CALN1: variants seen among roughly 807,000 people sequenced by gnomAD.
The protein encoded by CALN1 is calneuron 1.
A neutral mutation model predicts 30.6 loss-of-function variants in CALN1; 17 were observed. That is an observed-to-expected ratio of 0.56 (90% confidence interval 0.38 to 0.83). CALN1 has a LOEUF of 0.83. CALN1 is among the 40% of genes least tolerant of loss of function. The pLI is 0.00. For missense variants in CALN1, 291 were observed against 354.9 expected, an observed-to-expected ratio of 0.82 and a Z score of 1.45; for synonymous variants, 156 against 131.4, an observed-to-expected ratio of 1.19 and a Z score of -1.28.
intron 4 of CALN1, among the ~76,000 whole-genome samples, chr7:72,087,800 T>C (rs844725): frequency 0.021 from 3,270 of 152,198 alleles, 108 homozygotes; most frequent in African/African-American, 0.074. Flanking sequence ...GATTGAAATA[T>C]GTGGAGCAAA....
intron 5 of CALN1, among the ~76,000 whole-genome samples, chr7:71,914,248 T>G (rs1043727709): frequency 6.6e-6 from 1 of 152,182 alleles, no homozygotes; most frequent in African/African-American, 2.4e-5. Flanking sequence ...TGTTCTCCAC[T>G]GTGTGTCCAC....
intron 1 of CALN1, among the ~76,000 whole-genome samples, chr7:72,446,044 C>T (rs207468081): frequency 6.6e-6 from 1 of 152,110 alleles, no homozygotes; most frequent in Non-Finnish European, 1.5e-5. Context: ...AACCCTGCCT[C>T]TAAGCCACAA....
intron 2 of CALN1, among the ~76,000 whole-genome samples, chr7:72,345,848 T>A (rs1420133046): frequency 6.6e-6 from 1 of 152,074 alleles, no homozygotes; most frequent in African/African-American, 2.4e-5. Flanking sequence ...AAAAGTTAAA[T>A]CTCTCTGAGA....
Position 72,367,156 on chromosome 7 carries a change from C to A in CALN1, c.119+36095G>T, listed in dbSNP as rs573028504. Among the ~76,000 whole-genome samples the A allele has an allele frequency of 9.9e-5, 15 of 152,100 alleles. No individual in the cohort carries two copies. In the South Asian group the frequency reaches 3.1e-3, roughly 32 times the overall value. ...ACCTATGTCATTAGAAGTCAGAATACTAGTTAACTTGGGTTGGTGGAAGCA... is the reference window on the plus strand; with the variant it reads ...ACCTATGTCATTAGAAGTCAGAATAATAGTTAACTTGGGTTGGTGGAAGCA... On this transcript the variant is annotated intron_variant, in intron 2 of 6. Coordinates refer to ENST00000395275, the MANE Select transcript of CALN1 (RefSeq NM_031468.4).
In CALN1 at chr7:71,932,749, G is replaced by C. The variant is rs192860709; in HGVS notation, c.501+90908C>G. Reference sequence around the variant, plus strand: ...GAGAATGGCATGAACCCGGGAGGCGGAGCTTACAGTGAGCCGAGATCGCAT... The same window carrying C: ...GAGAATGGCATGAACCCGGGAGGCGCAGCTTACAGTGAGCCGAGATCGCAT... On this transcript the variant is annotated intron_variant, in intron 5 of 6. Coordinates refer to ENST00000395275, the MANE Select transcript of CALN1 (RefSeq NM_031468.4). 5.4e-3 allele frequency among the ~76,000 whole-genome samples: 814 copies of C among 149,526 alleles called. 10 individuals carry two copies. Among genetic ancestry groups the C allele is most frequent in the Non-Finnish European group, 8.6e-3 (582 of 67,676 alleles).
chr7:72,074,196 G>T (rs1388752964), intron 4 of CALN1, among the ~76,000 whole-genome samples: 1 of 152,122 alleles, frequency 6.6e-6, no homozygotes, highest in Non-Finnish European at 1.5e-5. Flanking sequence ...TTGAGAAAGC[G>T]AACCAGTGAG....
chr7:72,105,848 G>T, intron 4 of CALN1, among the ~76,000 whole-genome samples: 1 of 109,224 alleles, frequency 9.2e-6, no homozygotes, highest in African/African-American at 3.5e-5. Context: ...TGGGGATGAG[G>T]GAGGGGGAAG....
intron 5 of CALN1, among the ~76,000 whole-genome samples, chr7:72,007,955 A>G (rs1023998368): frequency 1.3e-5 from 2 of 152,220 alleles, no homozygotes; most frequent in Non-Finnish European, 2.9e-5. Context: ...AGACACACAC[A>G]AAGAGAAAGT....
the CALN1 span, among the ~76,000 whole-genome samples, chr7:72,471,444 C>T: frequency 6.6e-6 from 1 of 152,190 alleles, no homozygotes; most frequent in Admixed American, 6.5e-5. Flanking sequence ...CCATGCACCT[C>T]CCCTGGGGGA....
chr7:72,401,650 C>T (rs1806349356), intron 2 of CALN1, among the ~76,000 whole-genome samples: 2 of 152,178 alleles, frequency 1.3e-5, no homozygotes, highest in Admixed American at 6.6e-5. Flanking sequence ...TGACACTCAA[C>T]TGCCTAATTC....
At chr7:71,973,635 A>G (rs928995730) in intron 5 of CALN1, among the ~76,000 whole-genome samples, 1 of 152,116 alleles carries the variant, frequency 6.6e-6, no homozygotes, top group Non-Finnish European at 1.5e-5. Flanking sequence ...TTTTAAAACC[A>G]GAGACGTGTT....
chr7:71,993,455 C>CT (rs34736851), intron 5 of CALN1, among the ~76,000 whole-genome samples: 34,937 of 133,740 alleles, frequency 0.26, 5,520 homozygotes, highest in Non-Finnish European at 0.37. Context: ...AACAATGAGG[C>CT]TTTTTTTTTT....
intron 4 of CALN1, among the ~76,000 whole-genome samples, chr7:72,046,852 A>C (rs1802505945): frequency 6.6e-6 from 1 of 152,002 alleles, no homozygotes; most frequent in South Asian, 2.1e-4. Context: ...ACCTAGCAAA[A>C]TCCTATCTCT....
At chr7:72,308,367 G>GGC (rs1417958036) in intron 2 of CALN1, among the ~76,000 whole-genome samples, 1 of 102,874 alleles carries the variant, frequency 9.7e-6, no homozygotes, top group Non-Finnish European at 2.0e-5. Flanking sequence ...CTGTCTGTGG[G>GGC]GGGGGGAGAG....
intron 3 of CALN1, among the ~76,000 whole-genome samples, chr7:72,181,682 G>T (rs911309974): frequency 6.6e-6 from 1 of 152,062 alleles, no homozygotes; most frequent in Non-Finnish European, 1.5e-5. Context: ...TCGCCATGTT[G>T]GCCAGGCTGG....
At chr7:72,285,173 C>T (rs1013684080) in intron 2 of CALN1, among the ~76,000 whole-genome samples, 4 of 152,136 alleles carry the variant, frequency 2.6e-5, no homozygotes, top group African/African-American at 9.7e-5. Context: ...AAGCACTTGA[C>T]CAGTGGACTT....
intron 2 of CALN1, among the ~76,000 whole-genome samples, chr7:72,354,053 G>C (rs1013105466): frequency 7.9e-5 from 12 of 152,038 alleles, no homozygotes; most frequent in East Asian, 5.8e-4. Flanking sequence ...CAGGCGTGGT[G>C]GTGGGCCCCT....
intron 2 of CALN1, among the ~76,000 whole-genome samples, chr7:72,323,760 TA>T (rs2129557488): frequency 6.6e-6 from 1 of 152,260 alleles, no homozygotes; most frequent in African/African-American, 2.4e-5. Context: ...ATTTGCAGTT[TA>T]GGCTGAGCAC....
chr7:72,033,039 A>G (rs1801560717), intron 4 of CALN1, among the ~76,000 whole-genome samples: 1 of 152,234 alleles, frequency 6.6e-6, no homozygotes, highest in African/African-American at 2.4e-5. Context: ...CTGCAGGAAG[A>G]AAGAATGTAA....
Sources: allele counts gnomAD v4.1 joint callset (sites outside exome capture counted in the v4.1 genomes callset), GRCh38; gene constraint gnomAD v4.1.1; transcripts MANE v1.5; gene names NCBI Gene and HGNC (gene_info 2026-07-23, HGNC 2026-07-21).